PLA2G4A: variants seen among roughly 807,000 people sequenced by gnomAD.
PLA2G4A encodes phospholipase A2 group IVA, also known as cytosolic phospholipase A2.
A neutral mutation model predicts 81.9 loss-of-function variants in PLA2G4A; 40 were observed. That is an observed-to-expected ratio of 0.49 (90% CI 0.38 to 0.64). The LOEUF (loss-of-function observed/expected upper bound fraction) is 0.64. PLA2G4A is among the 30% of genes least tolerant of loss of function. The pLI is 0.00. For synonymous variants in PLA2G4A, 302 were observed against 296.9 expected (o/e 1.02, Z -0.18); for missense variants, 715 against 905.1 (o/e 0.79, Z 2.69).
chr1:186,984,141 T>G (rs955816286), intron 17 of PLA2G4A, among the ~76,000 whole-genome samples: 1 of 152,006 alleles, frequency 6.6e-6, no homozygotes, highest in Non-Finnish European at 1.5e-5. Flanking sequence ...TCATGATGGG[T>G]GTTTAAAATT....
At chr1:186,894,315 A>G (rs1654259026) in intron 5 of PLA2G4A, 104 bp downstream of exon 5, 1 of 675,872 alleles carries the variant, frequency 1.5e-6, no homozygotes, top group Admixed American at 2.4e-5. Context: ...ATTTGTTCAT[A>G]GAATGTTTGC....
chr1:186,935,408 A>T (rs80131006), intron 8 of PLA2G4A, among the ~76,000 whole-genome samples: 4 of 147,644 alleles, frequency 2.7e-5, no homozygotes, highest in African/African-American at 7.5e-5. Flanking sequence ...AAGGGTTTTT[A>T]TTTTTTTTTT....
intron 13 of PLA2G4A, among the ~76,000 whole-genome samples, chr1:186,955,614 C>G (rs1306317153): frequency 2.0e-5 from 3 of 151,422 alleles, no homozygotes; most frequent in Admixed American, 6.6e-5. Context: ...AAAAGGAGAA[C>G]TAAGAACAAA....
intron 3 of PLA2G4A, among the ~76,000 whole-genome samples, chr1:186,890,016 G>T (rs544270963): frequency 6.6e-6 from 1 of 152,144 alleles, no homozygotes; most frequent in East Asian, 1.9e-4. Flanking sequence ...CTCAGTTCCT[G>T]TTACTTTAAC....
chr1:186,913,509 A>G (rs1304796810), intron 7 of PLA2G4A, among the ~76,000 whole-genome samples: 4 of 152,106 alleles, frequency 2.6e-5, no homozygotes, highest in African/African-American at 4.8e-5. Context: ...AATTGCCACA[A>G]TGATGCTCAT....
chr1:186,832,660 A>G (rs1004409811), intron 1 of PLA2G4A, among the ~76,000 whole-genome samples: 16 of 152,198 alleles, frequency 1.1e-4, no homozygotes, highest in Admixed American at 3.3e-4. Flanking sequence ...AGCAATTTTC[A>G]TAGTGGCCAC....
At chr1:186,858,757 A>G (rs1571340613) in intron 2 of PLA2G4A, among the ~76,000 whole-genome samples, 1 of 152,142 alleles carries the variant, frequency 6.6e-6, no homozygotes, top group East Asian at 1.9e-4. Flanking sequence ...ATATATTGGT[A>G]TCATGTTTTT....
intron 2 of PLA2G4A, 145 bp downstream of exon 2, chr1:186,854,532 G>A (rs991474894): frequency 2.5e-4 from 149 of 603,282 alleles, no homozygotes; most frequent in Non-Finnish European, 1.1e-4. Flanking sequence ...AATACAAAGA[G>A]GCTATGGAAC....
At chr1:186,975,104 C>A (rs1657485499) in intron 15 of PLA2G4A, among the ~76,000 whole-genome samples, 1 of 152,136 alleles carries the variant, frequency 6.6e-6, no homozygotes, top group South Asian at 2.1e-4. Context: ...ACAATGTGAA[C>A]TTTTGGTTTA....
chr1:186,885,635 A>G (rs1335624292), intron 3 of PLA2G4A, among the ~76,000 whole-genome samples: 4 of 152,316 alleles, frequency 2.6e-5, no homozygotes, highest in Middle Eastern at 3.4e-3. Flanking sequence ...AGTATTGGAT[A>G]TGGATCTTAA....
intron 6 of PLA2G4A, 95 bp from the exon 7 acceptor site, chr1:186,911,153 T>G: frequency 1.1e-6 from 1 of 937,490 alleles, no homozygotes. Context: ...TCAGCATATA[T>G]CAGTGTAGCT....
chr1:186,898,718 T>C (rs868565873), intron 5 of PLA2G4A, among the ~76,000 whole-genome samples: 2 of 152,330 alleles, frequency 1.3e-5, no homozygotes, highest in African/African-American at 4.8e-5. Context: ...AACTGCCACC[T>C]AGATTCTATA....
chr1:186,895,002 C>T (rs753253194), intron 5 of PLA2G4A, among the ~76,000 whole-genome samples: 22 of 152,076 alleles, frequency 1.4e-4, no homozygotes, highest in Non-Finnish European at 2.5e-4. Context: ...TTCCAAGTCC[C>T]TACATTCACC....
chr1:186,909,444 C>G (rs1387847018), intron 6 of PLA2G4A, among the ~76,000 whole-genome samples: 4 of 150,892 alleles, frequency 2.7e-5, no homozygotes, highest in Non-Finnish European at 5.9e-5. Flanking sequence ...GTTGATTACC[C>G]GAGGTCAGGA....
intron 7 of PLA2G4A, among the ~76,000 whole-genome samples, chr1:186,917,616 G>A (rs1286536779): frequency 3.9e-5 from 6 of 152,112 alleles, no homozygotes; most frequent in East Asian, 3.8e-4. Context: ...ATGCCGGCCC[G>A]TTATCTGAGC....
chr1:186,870,467 A>G lies in PLA2G4A; in HGVS notation c.66A>G (p.Val22=). The change falls in exon 3 of 18, where the codon GTA becomes GTG. Residue 22 remains valine, a synonymous_variant. Transcript: ENST00000367466. ...VEHQYSHKFT[V]VVLRATKVTK... Reference sequence around the variant, plus strand: ...ACCAGTATTCCCACAAGTTTACGGTAGTGGTGTTACGTGCCACCAAAGTGA... The same window carrying G: ...ACCAGTATTCCCACAAGTTTACGGTGGTGGTGTTACGTGCCACCAAAGTGA... The G allele has an allele frequency of 6.2e-7, 1 of 1,610,980 alleles. No homozygotes were observed. The highest frequency in any genetic ancestry group is 8.5e-7 in the Non-Finnish European group (1 of 1,177,150).
intron 5 of PLA2G4A, among the ~76,000 whole-genome samples, chr1:186,905,240 C>T (rs772048201): frequency 1.4e-4 from 22 of 152,102 alleles, no homozygotes; most frequent in Non-Finnish European, 2.6e-4. Context: ...TGTCATGAGA[C>T]GGCACAATGA....
chr1:186,870,606 CT>C (rs1199447552), intron 3 of PLA2G4A, 90 bp downstream of exon 3: 2 of 1,166,580 alleles, frequency 1.7e-6, no homozygotes, highest in African/African-American at 3.1e-5. Context: ...GAGGTTCTGC[CT>C]TCTTCAAATG....
intron 10 of PLA2G4A, among the ~76,000 whole-genome samples, chr1:186,944,396 C>G (rs571407696): frequency 6.6e-6 from 1 of 152,018 alleles, no homozygotes; most frequent in Non-Finnish European, 1.5e-5. Context: ...AAGAAGAGAT[C>G]GCTAGAAAAG....
Sources: allele counts gnomAD v4.1 joint callset (sites outside exome capture counted in the v4.1 genomes callset), GRCh38; gene constraint gnomAD v4.1.1; transcripts MANE v1.5; gene names NCBI Gene and HGNC (gene_info 2026-07-23, HGNC 2026-07-21).